Variants in AIM2 observed in about 807,000 individuals in gnomAD.
AIM2 encodes the protein absent in melanoma 2, also known as interferon-inducible protein AIM2.
In AIM2, 30 loss-of-function variants were observed where a neutral mutation model predicts 27.7. The observed-to-expected ratio is 1.08, with a 90% CI of 0.81 to 1.47. AIM2 has a LOEUF of 1.47. Ranked by LOEUF, AIM2 falls within the 40% of genes most tolerant of loss-of-function variation. The probability of loss-of-function intolerance (pLI) is 0.00; values close to 1 mark genes in which losing one functional copy is unlikely to be tolerated. For missense variants in AIM2, 358 were observed against 411.3 expected (o/e 0.87, Z 1.12); for synonymous variants, 141 against 145.3 (o/e 0.97, Z 0.21).
chr1:159,133,964 T>C (rs1211355751), intron 1 of AIM2, among the ~76,000 whole-genome samples: 1 of 152,182 alleles, frequency 6.6e-6, no homozygotes, highest in Non-Finnish European at 1.5e-5. Flanking sequence ...GTGTGTGACA[T>C]CTCCTCTACT....
At chr1:159,127,080 A>T (rs1647714510) in intron 1 of AIM2, among the ~76,000 whole-genome samples, 1 of 152,238 alleles carries the variant, frequency 6.6e-6, no homozygotes, top group African/African-American at 2.4e-5. Context: ...ATAAAACTAT[A>T]AACAAGCCAG....
upstream of AIM2, chr1:159,081,584 G>T (rs1656777148): frequency 2.3e-6 from 1 of 442,026 alleles, no homozygotes. Context: ...TTTGCAGTCT[G>T]TCACCATTCG....
chr1:159,108,294 C>T (rs1003762052), intron 1 of AIM2, among the ~76,000 whole-genome samples: 1 of 152,020 alleles, frequency 6.6e-6, no homozygotes, highest in Non-Finnish European at 1.5e-5. Flanking sequence ...AACAAAAAAT[C>T]ACATGATAAT....
chr1:159,143,610 ACACACACAC>A (rs1648152925), upstream of AIM2, among the ~76,000 whole-genome samples: 1 of 151,038 alleles, frequency 6.6e-6, no homozygotes, highest in Admixed American at 6.6e-5. Context: ...ACACACACAC[ACACACACAC>A]ACACACACAC....
At chr1:159,103,849 C>T (rs1297214249) in intron 1 of AIM2, among the ~76,000 whole-genome samples, 1 of 152,068 alleles carries the variant, frequency 6.6e-6, no homozygotes, top group Non-Finnish European at 1.5e-5. Context: ...TTTTCTCTCC[C>T]AAATTCACCC....
chr1:159,076,064 C>T (rs1020028374), intron 1 of AIM2, among the ~76,000 whole-genome samples: 1 of 152,122 alleles, frequency 6.6e-6, no homozygotes, highest in Non-Finnish European at 1.5e-5. Flanking sequence ...ATAAGGAATA[C>T]ATTAAAAATA....
At chr1:159,117,265 G>A (rs907304426) in intron 1 of AIM2, among the ~76,000 whole-genome samples, 2 of 152,048 alleles carry the variant, frequency 1.3e-5, no homozygotes, top group Admixed American at 6.6e-5. Flanking sequence ...GCCAAGAATC[G>A]ACAAAAAGTT....
At chr1:159,117,018 T>C (rs958885087) in intron 1 of AIM2, among the ~76,000 whole-genome samples, 5 of 152,094 alleles carry the variant, frequency 3.3e-5, no homozygotes, top group African/African-American at 1.2e-4. Flanking sequence ...TTATTTTTTG[T>C]GTTATTTTAG....
At chr1:159,107,414 T>C (rs1657474351) in intron 1 of AIM2, among the ~76,000 whole-genome samples, 1 of 151,722 alleles carries the variant, frequency 6.6e-6, no homozygotes, top group Non-Finnish European at 1.5e-5. Flanking sequence ...GGGGAGTGGA[T>C]AATGTGATTT....
At chr1:159,103,099 T>C (rs1657350784) in intron 1 of AIM2, among the ~76,000 whole-genome samples, 1 of 152,188 alleles carries the variant, frequency 6.6e-6, no homozygotes, top group Non-Finnish European at 1.5e-5. Context: ...AATTGGATCA[T>C]GGGAGTTGTT....
intron 1 of AIM2, among the ~76,000 whole-genome samples, chr1:159,093,359 A>G (rs1182685088): frequency 6.6e-6 from 1 of 152,194 alleles, no homozygotes; most frequent in Non-Finnish European, 1.5e-5. Flanking sequence ...TGGGAGAAAA[A>G]TTGGATTTAA....
intron 1 of AIM2, among the ~76,000 whole-genome samples, chr1:159,102,035 C>G (rs1657323360): frequency 6.6e-6 from 1 of 152,222 alleles, no homozygotes; most frequent in South Asian, 2.1e-4. Flanking sequence ...ACAGCAGCCC[C>G]TCCCATCACA....
At chr1:159,071,078 T>G (rs1345029170) in intron 2 of AIM2, among the ~76,000 whole-genome samples, 1 of 152,274 alleles carries the variant, frequency 6.6e-6, no homozygotes, top group Non-Finnish European at 1.5e-5. Flanking sequence ...ATTTTAATCT[T>G]GCAGGACTTT....
At chr1:159,100,518 A>G (rs187523028) in intron 1 of AIM2, among the ~76,000 whole-genome samples, 191 of 152,324 alleles carry the variant, frequency 1.3e-3, no homozygotes, top group Admixed American at 2.1e-3. Flanking sequence ...ATGAAATTCT[A>G]GATGTTCCTA....
intron 1 of AIM2, among the ~76,000 whole-genome samples, chr1:159,097,784 A>T (rs1301443617): frequency 6.6e-6 from 1 of 152,220 alleles, no homozygotes; most frequent in African/African-American, 2.4e-5. Context: ...TATATGACAC[A>T]AACTATAAGT....
chr1:159,088,558 A>G (rs1656973450), intron 1 of AIM2, among the ~76,000 whole-genome samples: 2 of 152,096 alleles, frequency 1.3e-5, no homozygotes, highest in African/African-American at 4.8e-5. Flanking sequence ...TTGATGTCTG[A>G]CATGATTTAA....
chr1:159,114,492 G>T (rs192229439), intron 1 of AIM2, among the ~76,000 whole-genome samples: 224 of 152,288 alleles, frequency 1.5e-3, no homozygotes, highest in Non-Finnish European at 2.6e-3. Flanking sequence ...AGGCCAAGGA[G>T]AATCACTTGA....
At chr1:159,131,716 C>A (rs1647890821) in intron 1 of AIM2, among the ~76,000 whole-genome samples, 1 of 152,114 alleles carries the variant, frequency 6.6e-6, no homozygotes, top group Non-Finnish European at 1.5e-5. Context: ...ACAACAAAAT[C>A]CAAATTTTAG....
chr1:159,056,747 A>AAAAC, the AIM2 span, among the ~76,000 whole-genome samples: 1 of 147,678 alleles, frequency 6.8e-6, no homozygotes, highest in East Asian at 2.0e-4. Context: ...AAAAAAAAAA[A>AAAAC]ACTACCCTTT....
Sources: allele counts gnomAD v4.1 joint callset (sites outside exome capture counted in the v4.1 genomes callset), GRCh38; gene constraint gnomAD v4.1.1; transcripts MANE v1.5; gene names NCBI Gene and HGNC (gene_info 2026-07-23, HGNC 2026-07-21).